The following KIT variants were observed in gnomAD, a reference collection of about 807,000 sequenced individuals.
KIT encodes KIT proto-oncogene, receptor tyrosine kinase.
A neutral mutation model predicts 105.7 loss-of-function variants in KIT; 16 were observed. The ratio of observed to expected loss-of-function variants is 0.15; its 90% CI spans 0.10 to 0.23. The LOEUF (loss-of-function observed/expected upper bound fraction) is 0.23, where lower values mean the gene tolerates loss of function less well. Ranked by LOEUF, KIT falls within the 10% of genes least tolerant of loss-of-function variation. The pLI, the probability that KIT is intolerant of heterozygous loss-of-function variation, is 1.00. For synonymous variants in KIT, 438 were observed against 441.1 expected (o/e 0.99, Z 0.09); for missense variants, 858 against 1,213.8 (o/e 0.71, Z 4.36).
At chr4:54,696,913 C>T (rs1047495599) in intron 2 of KIT, among the ~76,000 whole-genome samples, 6 of 152,354 alleles carry the variant, frequency 3.9e-5, no homozygotes, top group Middle Eastern at 3.4e-3. Context: ...AGGTATTTTG[C>T]AATTTCCAGG....
At position 54,696,006 on chromosome 4, in the gene KIT, C is replaced by T. The variant is rs549668685; in HGVS notation, c.337+225C>T. ...GGACTGCAGGACTGTGATACTCTTCCTAATGAGATTACAGTAGGTTTAGCC... is the reference window on the plus strand; with the variant it reads ...GGACTGCAGGACTGTGATACTCTTCTTAATGAGATTACAGTAGGTTTAGCC... On this transcript the variant is annotated intron_variant, in intron 2 of 20. Coordinates refer to ENST00000288135, the MANE Select transcript of KIT (RefSeq NM_000222.3). 13 of 590,206 alleles carry T rather than the reference C, an allele frequency of 2.2e-5. No individual in the cohort carries two copies. The African/African-American group carries it at 2.4e-4, about 11-fold the overall frequency. 36.6% of individuals were successfully genotyped at this position (590,206 alleles called of 1,614,324 possible). A position where few individuals can be genotyped will look rare whatever the true frequency, so the allele number is the denominator to read the frequency against.
Position 54,658,516 on chromosome 4 carries a change from G to C in KIT, c.67+435G>C, listed in dbSNP as rs559805109. On this transcript the variant is annotated intron_variant, in intron 1 of 20. Transcript: ENST00000288135. ...AGTTGCGTGTGTGTGACCGGCGCCC[G>C]GGAGGACCTGCCTGCAGGTTCTCCG... Among the ~76,000 whole-genome samples, 125 of 152,234 alleles carry C rather than the reference G, an allele frequency of 8.2e-4. 1 individual carries two copies. Among genetic ancestry groups the C allele is most frequent in the Non-Finnish European group, 1.5e-3 (105 of 68,014 alleles).
At chr4:54,732,117 T>C (rs2109797365) in intron 16 of KIT, 119 bp downstream of exon 16, 1 of 1,186,972 alleles carries the variant, frequency 8.4e-7, no homozygotes, top group Non-Finnish European at 1.2e-6. Context: ...GAATGTCATT[T>C]TGAAGTGTGG....
intron 1 of KIT, among the ~76,000 whole-genome samples, chr4:54,680,216 T>C (rs1288344908): frequency 6.6e-6 from 1 of 152,174 alleles, no homozygotes; most frequent in Non-Finnish European, 1.5e-5. Context: ...TTGCCAGATA[T>C]ATGTGTATAT....
chr4:54,663,190 A>G (rs1175071053), intron 1 of KIT, among the ~76,000 whole-genome samples: 1 of 152,224 alleles, frequency 6.6e-6, no homozygotes, highest in African/African-American at 2.4e-5. Context: ...CCAAATTATT[A>G]TTCAGGACAT....
chr4:54,689,632 A>G (rs1348507761), intron 1 of KIT, among the ~76,000 whole-genome samples: 1 of 152,348 alleles, frequency 6.6e-6, no homozygotes, highest in East Asian at 1.9e-4. Flanking sequence ...CAGATAAAAA[A>G]GTGTCAAGAT....
rs1723146959 is a variant in KIT at position 54,739,931 on chromosome 4, G to A, written c.*1374G>A. Reference sequence around the variant, plus strand: ...CTCATCTTACTGTACCTGTTCCTTAGACCTTCCATAATGCTACTGTCTCAC... The same window carrying A: ...CTCATCTTACTGTACCTGTTCCTTAAACCTTCCATAATGCTACTGTCTCAC... On this transcript the variant is annotated 3_prime_UTR_variant, in exon 21 of 21. Coordinates refer to ENST00000288135, the MANE Select transcript of KIT (RefSeq NM_000222.3). 1 of 233,332 alleles carries A rather than the reference G, an allele frequency of 4.3e-6. No homozygotes were observed. The highest frequency in any genetic ancestry group is 8.5e-6 in the Non-Finnish European group (1 of 117,918). 14.5% of individuals were successfully genotyped at this position (233,332 alleles called of 1,614,324 possible).
chr4:54,711,477 T>G (rs1721155309), intron 7 of KIT, among the ~76,000 whole-genome samples: 1 of 152,244 alleles, frequency 6.6e-6, no homozygotes. Context: ...AGGATGTATA[T>G]ATCCCAAACT....
intron 1 of KIT, among the ~76,000 whole-genome samples, chr4:54,669,471 G>A (rs905125729): frequency 5.9e-5 from 9 of 152,172 alleles, no homozygotes; most frequent in African/African-American, 1.9e-4. Context: ...CAGCTCTGGC[G>A]GTACAGCAGG....
intron 5 of KIT, among the ~76,000 whole-genome samples, chr4:54,706,349 C>T (rs1720789521): frequency 6.6e-6 from 1 of 152,036 alleles, no homozygotes; most frequent in Admixed American, 6.6e-5. Flanking sequence ...ATTAGTTTTG[C>T]TATTTTTAAT....
chr4:54,729,908 G>A (rs752203638), intron 14 of KIT, among the ~76,000 whole-genome samples: 2 of 152,132 alleles, frequency 1.3e-5, no homozygotes, highest in Non-Finnish European at 2.9e-5. Context: ...TTAGCAGAAT[G>A]ACAAAGAGCT....
chr4:54,676,074 ATC>A (rs1021732019), intron 1 of KIT, among the ~76,000 whole-genome samples: 4 of 152,158 alleles, frequency 2.6e-5, no homozygotes, highest in African/African-American at 9.7e-5. Context: ...ACTCAAGAAA[ATC>A]TGTTTTTGCA....
rs765797630 is a variant in KIT, at chr4:54,703,744, T to C, written c.777T>C (p.Tyr259=). Residue 259 remains tyrosine (Y), a synonymous_variant, in exon 5 of 21, where the codon TAT becomes TAC. Transcript: ENST00000288135. ...ENSQTKLQEK[Y]NSWHHGDFNY... ...AGCAGACTAAACTACAGGAGAAATATAATAGCTGGCATCACGGTGACTTCA... is the reference window on the plus strand; with the variant it reads ...AGCAGACTAAACTACAGGAGAAATACAATAGCTGGCATCACGGTGACTTCA... 1 of 1,613,790 alleles carries C rather than the reference T, an allele frequency of 6.2e-7. No individual in the cohort carries two copies. Among genetic ancestry groups the C allele is most frequent in the Non-Finnish European group, 8.5e-7 (1 of 1,179,732 alleles).
intron 4 of KIT, among the ~76,000 whole-genome samples, chr4:54,702,374 G>A (rs1224007135): frequency 6.6e-6 from 1 of 151,832 alleles, no homozygotes; most frequent in Non-Finnish European, 1.5e-5. Flanking sequence ...TACTAATTAG[G>A]TGTTTTACAT....
chr4:54,729,218 G>A (rs527773279), intron 13 of KIT, 117 bp from the exon 14 acceptor site: 537 of 1,063,756 alleles, frequency 5.0e-4, no homozygotes, highest in Non-Finnish European at 7.0e-4. Context: ...GGACTAAGTA[G>A]TCTGATCCAC....
At chr4:54,715,330 T>C (rs762338231) in intron 7 of KIT, among the ~76,000 whole-genome samples, 3 of 145,078 alleles carry the variant, frequency 2.1e-5, no homozygotes, top group Non-Finnish European at 4.5e-5. Flanking sequence ...CAACCAGAAA[T>C]GATCCCAGGT....
intron 7 of KIT, among the ~76,000 whole-genome samples, chr4:54,716,922 ATCT>A (rs1274113888): frequency 2.0e-5 from 3 of 152,138 alleles, no homozygotes; most frequent in East Asian, 1.9e-4. Flanking sequence ...TAATTTTCAG[ATCT>A]TCTTAGTGTG....
At chr4:54,678,875 T>C (rs1377670271) in intron 1 of KIT, among the ~76,000 whole-genome samples, 1 of 152,250 alleles carries the variant, frequency 6.6e-6, no homozygotes, top group Admixed American at 6.5e-5. Flanking sequence ...TTTTGCCACA[T>C]GTATTTTGTT....
chr4:54,729,940 G>A (rs915630579), intron 14 of KIT, among the ~76,000 whole-genome samples: 1 of 152,130 alleles, frequency 6.6e-6, no homozygotes, highest in African/African-American at 2.4e-5. Context: ...TCCACATGTA[G>A]GCTTCTTGCC....
Sources: allele counts gnomAD v4.1 joint callset (sites outside exome capture counted in the v4.1 genomes callset), GRCh38; gene constraint gnomAD v4.1.1; transcripts MANE v1.5; gene names NCBI Gene and HGNC (gene_info 2026-07-23, HGNC 2026-07-21).